The following TM2D1 variants were observed in gnomAD, a reference collection of about 807,000 sequenced individuals.
The protein encoded by TM2D1 is TM2 domain containing 1, also known as TM2 domain-containing protein 1.
TM2D1 carries 15 observed loss-of-function variants against 28.4 expected under a neutral mutation model. The ratio of observed to expected loss-of-function variants is 0.53; its 90% CI spans 0.35 to 0.81. TM2D1 has a LOEUF of 0.81. Ranked by LOEUF, TM2D1 falls within the 40% of genes least tolerant of loss-of-function variation. The probability of loss-of-function intolerance (pLI) is 0.01; values close to 1 mark genes in which losing one functional copy is unlikely to be tolerated. For missense variants in TM2D1, 236 were observed against 254.9 expected (o/e 0.93, Z 0.50); for synonymous variants, 93 against 96.2 (o/e 0.97, Z 0.20).
intron 4 of TM2D1, among the ~76,000 whole-genome samples, chr1:61,696,777 T>C (rs567567300): frequency 1.4e-4 from 22 of 152,132 alleles, no homozygotes; most frequent in Admixed American, 3.9e-4. Flanking sequence ...CATAACCCAC[T>C]ATGCCTGGCT....
intron 5 of TM2D1, among the ~76,000 whole-genome samples, chr1:61,687,555 GA>G (rs899014338): frequency 2.0e-5 from 3 of 151,574 alleles, no homozygotes; most frequent in African/African-American, 7.3e-5. Context: ...AAGAATAAAG[GA>G]AAAAAAATGT....
At chr1:61,719,076 A>T (rs1282515968) in intron 2 of TM2D1, among the ~76,000 whole-genome samples, 1 of 152,066 alleles carries the variant, frequency 6.6e-6, no homozygotes, top group South Asian at 2.1e-4. Context: ...TTTTTTATTT[A>T]TTTATTTTTT....
chr1:61,724,734 G>T (rs1644592569), intron 1 of TM2D1, among the ~76,000 whole-genome samples: 1 of 152,168 alleles, frequency 6.6e-6, no homozygotes, highest in South Asian at 2.1e-4. Context: ...AGAAGAGGAA[G>T]CGCCAATGAC....
intron 4 of TM2D1, 106 bp downstream of exon 4, chr1:61,700,828 T>G: frequency 1.3e-6 from 1 of 787,700 alleles, no homozygotes. Context: ...CAACTCCAAT[T>G]ATATAGAACT....
chr1:61,700,538 G>C (rs766920174), intron 4 of TM2D1, among the ~76,000 whole-genome samples: 18 of 152,194 alleles, frequency 1.2e-4, no homozygotes, highest in African/African-American at 3.9e-4. Flanking sequence ...GAAGTGCATA[G>C]TTTCTAATCC....
At chr1:61,688,849 A>C (rs946780117) in intron 5 of TM2D1, among the ~76,000 whole-genome samples, 3 of 149,326 alleles carry the variant, frequency 2.0e-5, no homozygotes, top group African/African-American at 7.4e-5. Flanking sequence ...GTTTGAGACC[A>C]GCCTGGCCAA....
intron 2 of TM2D1, among the ~76,000 whole-genome samples, chr1:61,722,670 T>C (rs902574142): frequency 6.6e-6 from 1 of 152,198 alleles, no homozygotes; most frequent in Non-Finnish European, 1.5e-5. Flanking sequence ...CCTGGCCATT[T>C]AAAGGAACTT....
intron 5 of TM2D1, among the ~76,000 whole-genome samples, chr1:61,687,556 A>G (rs1048054679): frequency 4.6e-5 from 7 of 152,026 alleles, no homozygotes; most frequent in South Asian, 2.1e-4. Context: ...AGAATAAAGG[A>G]AAAAAAATGT....
At chr1:61,719,501 GTTTGT>G (rs1002891064) in intron 2 of TM2D1, among the ~76,000 whole-genome samples, 2 of 151,194 alleles carry the variant, frequency 1.3e-5, no homozygotes, top group African/African-American at 4.9e-5. Context: ...TTTTGTTTTT[GTTTGT>G]TTTGAGACGG....
At chr1:61,710,754 G>A (rs1047988483) in intron 2 of TM2D1, among the ~76,000 whole-genome samples, 7 of 151,756 alleles carry the variant, frequency 4.6e-5, no homozygotes, top group African/African-American at 9.7e-5. Context: ...AGAACCTAGA[G>A]TTTGATTAGG....
chr1:61,717,830 A>C (rs1294945709), intron 2 of TM2D1, among the ~76,000 whole-genome samples: 1 of 152,040 alleles, frequency 6.6e-6, no homozygotes, highest in African/African-American at 2.4e-5. Flanking sequence ...TAAAAAAAAA[A>C]GGACTAAATT....
intron 2 of TM2D1, among the ~76,000 whole-genome samples, chr1:61,712,631 G>A (rs1298397407): frequency 1.3e-5 from 2 of 152,014 alleles, no homozygotes; most frequent in East Asian, 3.9e-4. Flanking sequence ...GGCTAGTCTC[G>A]AACTCCTGGC....
rs533645909 is a variant in TM2D1, at chr1:61,709,251, A to C, written c.347+78T>G. ...TACATTTTCAGGATAGTCCCCATAAATTATCTCCTCTCTTCATGCAATGAA... is the reference window on the plus strand; with the variant it reads ...TACATTTTCAGGATAGTCCCCATAACTTATCTCCTCTCTTCATGCAATGAA... On this transcript the variant is annotated intron_variant, in intron 3 of 6. Transcript: ENST00000606498. 6 of 871,948 alleles carry C rather than the reference A, an allele frequency of 6.9e-6. No individual in the cohort carries two copies. In the East Asian group the frequency reaches 1.5e-4, roughly 22 times the overall value. The allele number at this position is 871,948 out of a possible 1,614,324, so 54.0% of individuals were successfully genotyped here. A position where few individuals can be genotyped will look rare whatever the true frequency, so the allele number is the denominator to read the frequency against.
chr1:61,690,955 C>T (rs1046880295), intron 5 of TM2D1, among the ~76,000 whole-genome samples: 3 of 152,058 alleles, frequency 2.0e-5, no homozygotes, highest in African/African-American at 7.2e-5. Context: ...TAAGGAAATC[C>T]ACTCTGTCAT....
At chr1:61,716,330 AC>A (rs1174592952) in intron 2 of TM2D1, among the ~76,000 whole-genome samples, 1 of 148,062 alleles carries the variant, frequency 6.8e-6, no homozygotes, top group East Asian at 2.0e-4. Flanking sequence ...CTCTCCGCCA[AC>A]CCCCCAACAA....
chr1:61,722,093 G>A (rs780824804), intron 2 of TM2D1, among the ~76,000 whole-genome samples: 9 of 151,114 alleles, frequency 6.0e-5, no homozygotes, highest in Admixed American at 3.3e-4. Context: ...GCAACATGAC[G>A]AAACCTTGTC....
intron 2 of TM2D1, 131 bp downstream of exon 2, chr1:61,723,582 C>A: frequency 2.2e-6 from 1 of 457,546 alleles, no homozygotes; most frequent in Non-Finnish European, 3.9e-6. Flanking sequence ...TTTTAAGTTA[C>A]TCTGGAAACT....
chr1:61,709,236 G>A lies in TM2D1; in HGVS notation c.347+93C>T, dbSNP rs944462366. On this transcript the variant is annotated intron_variant, in intron 3 of 6. Transcript: ENST00000606498. ...CAAAAAGATAAAAGATACATTTTCA[G>A]GATAGTCCCCATAAATTATCTCCTC... 5.2e-6 allele frequency: 4 copies of A among 764,752 alleles called. No individual in the cohort carries two copies. The African/African-American group carries it at 5.3e-5, about 10-fold the overall frequency. The allele number at this position is 764,752 out of a possible 1,614,324, so 47.4% of individuals were successfully genotyped here. A position where few individuals can be genotyped will look rare whatever the true frequency, so the allele number is the denominator to read the frequency against.
At chr1:61,712,094 T>C (rs1280809817) in intron 2 of TM2D1, among the ~76,000 whole-genome samples, 2 of 152,000 alleles carry the variant, frequency 1.3e-5, no homozygotes, top group African/African-American at 4.8e-5. Flanking sequence ...CAGAGGACAT[T>C]TGGCAAGGTC....
Sources: gnomAD v4.1 joint callset for allele counts (sites outside exome capture counted in the v4.1 genomes callset) on GRCh38, gnomAD v4.1.1 for gene constraint, MANE v1.5 for transcripts, NCBI Gene and HGNC (gene_info 2026-07-23, HGNC 2026-07-21) for gene names.